ERICH6B: variants seen among roughly 807,000 people sequenced by gnomAD.
ERICH6B encodes glutamate-rich protein 6B.
In ERICH6B, 69 loss-of-function variants were observed where a neutral mutation model predicts 80.0. The ratio of observed to expected loss-of-function variants is 0.86; its 90% CI spans 0.71 to 1.05. The LOEUF is 1.05. Ranked by LOEUF, ERICH6B falls within the 50% of genes least tolerant of loss-of-function variation. The probability of loss-of-function intolerance (pLI) is 0.00; values close to 1 mark genes in which losing one functional copy is unlikely to be tolerated. For synonymous variants in ERICH6B, 283 were observed against 291.9 expected (o/e 0.97, Z 0.31); for missense variants, 754 against 796.1 (o/e 0.95, Z 0.64).
chr13:45,554,928 A>G (rs1593776337), intron 11 of ERICH6B, among the ~76,000 whole-genome samples: 2 of 152,314 alleles, frequency 1.3e-5, no homozygotes, highest in African/African-American at 4.8e-5. Flanking sequence ...TGTAAAACAA[A>G]CAAACAAAAC....
chr13:45,601,679 A>G (rs566788849), intron 2 of ERICH6B, among the ~76,000 whole-genome samples: 19 of 152,310 alleles, frequency 1.2e-4, no homozygotes, highest in African/African-American at 4.3e-4. Context: ...GGCCTTGTAA[A>G]AAGGGTCCAG....
At position 45,558,055 on chromosome 13, in the gene ERICH6B, C is replaced by T. The variant is rs143776945; in HGVS notation, c.1407+3314G>A. Among the ~76,000 whole-genome samples the T allele has an allele frequency of 4.9e-3, 750 of 152,170 alleles. 5 individuals are homozygous for T. The highest frequency in any genetic ancestry group is 0.017 in the African/African-American group (722 of 41,504). On this transcript the variant is annotated intron_variant, in intron 11 of 14. Coordinates refer to ENST00000298738, the MANE Select transcript of ERICH6B (RefSeq NM_182542.3). ...GTCATTTTCACAATATTGATTCTAC[C>T]CATCCATGAGCATGGGATGTGTTTC...
chr13:45,550,078 C>T, intron 12 of ERICH6B, 33 bp from the exon 13 acceptor site: 1 of 1,549,364 alleles, frequency 6.5e-7, no homozygotes, highest in Non-Finnish European at 8.7e-7. Flanking sequence ...GTAGTCAGTC[C>T]TTGGGGTCCC....
chr13:45,598,239 A>G (rs1003546366), intron 2 of ERICH6B, among the ~76,000 whole-genome samples: 1 of 152,110 alleles, frequency 6.6e-6, no homozygotes, highest in Non-Finnish European at 1.5e-5. Flanking sequence ...AAATGTCTCA[A>G]TGATAGTGAC....
At chr13:45,573,496 T>C (rs1875260254) in intron 8 of ERICH6B, among the ~76,000 whole-genome samples, 1 of 152,238 alleles carries the variant, frequency 6.6e-6, no homozygotes, top group African/African-American at 2.4e-5. Context: ...TTTAAAATGG[T>C]GTGCAGCTGG....
At chr13:45,597,654 T>C (rs1876455895) in intron 2 of ERICH6B, among the ~76,000 whole-genome samples, 1 of 152,160 alleles carries the variant, frequency 6.6e-6, no homozygotes, top group African/African-American at 2.4e-5. Flanking sequence ...ATGCTACATA[T>C]GTTTTAACAC....
intron 3 of ERICH6B, among the ~76,000 whole-genome samples, chr13:45,592,436 A>C (rs905052542): frequency 1.2e-4 from 18 of 152,194 alleles, no homozygotes; most frequent in African/African-American, 4.1e-4. Context: ...TGAAATTTCC[A>C]GAATTGCTAG....
At position 45,580,691 on chromosome 13, in the gene ERICH6B, T is replaced by C. The variant is rs372925977; in HGVS notation, c.857-26A>G. 5.2e-5 allele frequency: 80 copies of C among 1,550,128 alleles called. No homozygotes were observed. The African/African-American group carries it at 1.0e-3, about 19-fold the overall frequency. ...CTGTTAAAAGGCAGAAGAGGGTGGCTATTAATGATTTAAACCTTACATTTT... is the reference window on the plus strand; with the variant it reads ...CTGTTAAAAGGCAGAAGAGGGTGGCCATTAATGATTTAAACCTTACATTTT... On this transcript the variant is annotated intron_variant, in intron 5 of 14. Coordinates refer to ENST00000298738, the MANE Select transcript of ERICH6B (RefSeq NM_182542.3).
At chr13:45,544,250 T>G (rs1873901611) in intron 14 of ERICH6B, among the ~76,000 whole-genome samples, 1 of 152,180 alleles carries the variant, frequency 6.6e-6, no homozygotes, top group African/African-American at 2.4e-5. Context: ...ATTTTTTGTA[T>G]TTTTAGAAGA....
At position 45,561,473 on chromosome 13, in the gene ERICH6B, T is replaced by C; in HGVS notation, c.1303A>G (p.Thr435Ala). The C allele has an allele frequency of 6.4e-7, 1 of 1,552,120 alleles. No individual in the cohort carries two copies. The highest frequency in any genetic ancestry group is 8.7e-7 in the Non-Finnish European group (1 of 1,147,094). The change falls in exon 11 of 15, where the codon ACA becomes GCA. Residue 435 changes from threonine to alanine, a missense_variant. By Grantham distance (58) the Thr-to-Ala change is moderately conservative. Transcript: ENST00000298738. Reference protein sequence around the residue: ...SFTFHLMSKPTPEKPETEEIQ... With the variant: ...SFTFHLMSKPAPEKPETEEIQ... ...TCTTCTGTCTCAGGCTTCTCAGGTGTTGGTTTGCTCATTAAATGAAATGTG... is the reference window on the plus strand; with the variant it reads ...TCTTCTGTCTCAGGCTTCTCAGGTGCTGGTTTGCTCATTAAATGAAATGTG...
chr13:45,547,836 C>G (rs2137958395), intron 13 of ERICH6B, among the ~76,000 whole-genome samples: 1 of 152,208 alleles, frequency 6.6e-6, no homozygotes, highest in South Asian at 2.1e-4. Flanking sequence ...TCCAAAGAAC[C>G]TAGGATTCCA....
At chr13:45,568,835 T>C (rs1166970612) in intron 8 of ERICH6B, among the ~76,000 whole-genome samples, 3 of 141,560 alleles carry the variant, frequency 2.1e-5, no homozygotes, top group African/African-American at 9.6e-5. Context: ...CCTCTTCTTG[T>C]TCCTCAATTT....
chr13:45,591,607 A>C (rs563252524), intron 3 of ERICH6B, among the ~76,000 whole-genome samples: 36 of 152,204 alleles, frequency 2.4e-4, no homozygotes, highest in Non-Finnish European at 4.4e-4. Context: ...AAAACATAAA[A>C]TAAATAAAAA....
intron 2 of ERICH6B, among the ~76,000 whole-genome samples, chr13:45,601,652 T>C (rs1949828466): frequency 6.6e-6 from 1 of 152,228 alleles, no homozygotes; most frequent in Non-Finnish European, 1.5e-5. Flanking sequence ...GGGTCTTTTC[T>C]TCCTATTTTC....
At position 45,550,359 on chromosome 13, in the gene ERICH6B, T is replaced by C. The variant is rs1593773686; in HGVS notation, c.1408-43A>G. ...GCCTATGAAAAGTGTGAAAAGTACA[T>C]GGGTACCAACTGTCCTACTGCAGAG... On this transcript the variant is annotated intron_variant, in intron 11 of 14. Transcript: ENST00000298738. 17 of 1,495,656 alleles carry C rather than the reference T, an allele frequency of 1.1e-5. 1 individual carries two copies. In the Middle Eastern group the frequency reaches 2.0e-3, roughly 180 times the overall value. The allele number at this position is 1,495,656 out of a possible 1,614,324, so 92.6% of individuals were successfully genotyped here.
chr13:45,599,431 G>A (rs184064581), intron 2 of ERICH6B, among the ~76,000 whole-genome samples: 2 of 152,300 alleles, frequency 1.3e-5, no homozygotes, highest in Admixed American at 1.3e-4. Context: ...TTTTATTCAT[G>A]ATTCATGAAT....
chr13:45,581,373 C>A (rs1875659400), intron 5 of ERICH6B, among the ~76,000 whole-genome samples: 1 of 152,146 alleles, frequency 6.6e-6, no homozygotes, highest in Non-Finnish European at 1.5e-5. Context: ...ACATACACAT[C>A]CTACATTCCA....
intron 6 of ERICH6B, 92 bp from the exon 7 acceptor site, chr13:45,580,066 TCTC>T (rs773450959): frequency 3.1e-4 from 332 of 1,078,794 alleles, no homozygotes; most frequent in Non-Finnish European, 4.3e-4. Flanking sequence ...TTAAAAATCA[TCTC>T]CTAGATATCT....
intron 5 of ERICH6B, 95 bp downstream of exon 5, chr13:45,586,968 T>C (rs372317788): frequency 1.5e-6 from 2 of 1,309,550 alleles, no homozygotes. Context: ...TGAAAGGCAA[T>C]ACTCGAGCCA....
Sources: allele counts gnomAD v4.1 joint callset (sites outside exome capture counted in the v4.1 genomes callset), GRCh38; gene constraint gnomAD v4.1.1; transcripts MANE v1.5; gene names NCBI Gene and HGNC (gene_info 2026-07-23, HGNC 2026-07-21).